SMG1: variants seen among roughly 807,000 people sequenced by gnomAD.
The protein encoded by SMG1 is SMG1 nonsense mediated mRNA decay associated PI3K related kinase.
In SMG1, 22 loss-of-function variants were observed where a neutral mutation model predicts 419.9. That is an observed-to-expected ratio of 0.05 (90% confidence interval 0.04 to 0.07). The LOEUF is 0.07. Ranked by LOEUF, SMG1 falls within the 10% of genes least tolerant of loss-of-function variation. The pLI, the probability that SMG1 is intolerant of heterozygous loss-of-function variation, is 1.00. For synonymous variants in SMG1, 1,538 were observed against 1,553.5 expected (o/e 0.99, Z 0.23); for missense variants, 3,185 against 4,342.0 (o/e 0.73, Z 7.49).
chr16:18,837,969 A>G (rs1204844828), intron 45 of SMG1, 45 bp downstream of exon 45: 3 of 1,581,518 alleles, frequency 1.9e-6, no homozygotes, highest in East Asian at 2.3e-5. Context: ...TGTTTACTCT[A>G]TTAATAAAAA....
At chr16:18,809,979 TAAAAA>T (rs951552701) in intron 62 of SMG1, among the ~76,000 whole-genome samples, 1 of 143,416 alleles carries the variant, frequency 7.0e-6, no homozygotes, top group African/African-American at 2.6e-5. Context: ...AACGGTTTCT[TAAAAA>T]AAAAAAAATT....
chr16:18,863,923 C>T, intron 24 of SMG1, 72 bp from the exon 25 acceptor site: 1 of 1,575,018 alleles, frequency 6.3e-7, no homozygotes, highest in Non-Finnish European at 8.6e-7. Flanking sequence ...GCACAGAAAC[C>T]TAAAAACATA....
rs1408674523 is a variant in SMG1 at position 18,853,728 on chromosome 16, T to A, written c.4623A>T (p.Gly1541=). The part of the protein sequence containing the change: ...WIQAEWKEIS[G]QLKQVYRAQH... ...GAGCTCTGTAAACCTGTTTCAGCTG[T>A]CCTGAAATCTCTTTCCATTCTGCCT... Residue 1541 remains glycine (G), a synonymous_variant, in exon 31 of 63, where the codon GGA becomes GGT. Coordinates refer to ENST00000446231, the MANE Select transcript of SMG1 (RefSeq NM_015092.5). 3.1e-6 allele frequency: 5 copies of A among 1,613,980 alleles called. No homozygotes were observed. The highest frequency in any genetic ancestry group is 1.7e-5 in the Admixed American group (1 of 60,024).
intron 1 of SMG1, among the ~76,000 whole-genome samples, chr16:18,907,845 CAAAAAAAA>C (rs71141092): frequency 8.4e-4 from 46 of 54,972 alleles, no homozygotes; most frequent in South Asian, 1.1e-3. Context: ...GAACGAGACT[CAAAAAAAA>C]AAAAAAAAAA....
rs778243495 is a variant in SMG1, at chr16:18,838,167, G to A, written c.7260C>T (p.Asp2420=). ...CTCCTGCTGTCCAGTCCACCAGAGG[G>A]TCGTACACAAAGGCCTCCAGCAGCG... ...LLTLLEAFVY[D]PLVDWTAGGE... The change falls in exon 45 of 63, where the codon GAC becomes GAT. Residue 2420 remains aspartate (D), a synonymous_variant. Coordinates refer to ENST00000446231, the MANE Select transcript of SMG1 (RefSeq NM_015092.5). 3 of 1,613,442 alleles carry A rather than the reference G, an allele frequency of 1.9e-6. No homozygotes were observed. Among genetic ancestry groups the A allele is most frequent in the Admixed American group, 3.3e-5 (2 of 59,930 alleles).
At chr16:18,866,264 G>A (rs2035498393) in intron 23 of SMG1, 1 of 300,852 alleles carries the variant, frequency 3.3e-6, no homozygotes, top group African/African-American at 2.2e-5. Context: ...CAATGAGTCT[G>A]AATGTAGAGT....
intron 23 of SMG1, among the ~76,000 whole-genome samples, chr16:18,865,184 G>T (rs2141530169): frequency 6.6e-6 from 1 of 152,206 alleles, no homozygotes; most frequent in East Asian, 1.9e-4. Flanking sequence ...AAAATTGAGA[G>T]GCCACGAAGA....
At chr16:18,837,158 T>C (rs2033629426) in intron 46 of SMG1, 95 bp downstream of exon 46, 3 of 1,158,676 alleles carry the variant, frequency 2.6e-6, no homozygotes, top group Non-Finnish European at 3.6e-6. Context: ...TTTATGTGAT[T>C]TGTTACAATA....
rs866999344 is a variant in SMG1, at chr16:18,851,727, G to A, written c.5052+340C>T. ...CCTGCTAATTTTTGTATTTTTAGTA[G>A]AGATGGGGTTTTGCCATGTTGGCCA... On this transcript the variant is annotated intron_variant, in intron 33 of 62. Transcript: ENST00000446231. 4.3e-4 allele frequency among the ~76,000 whole-genome samples: 66 copies of A among 152,164 alleles called. 1 individual carries two copies. Among genetic ancestry groups the A allele is most frequent in the Admixed American group, 7.2e-4 (11 of 15,280 alleles).
chr16:18,872,570 C>T lies in SMG1; in HGVS notation c.1945G>A (p.Val649Met), dbSNP rs1304398347. ...AAGTGAACAGCCAGGTCACTGTGCA[C>T]AATCATCAGATTCTTACTCAGAAGT... is the stretch of plus-strand genomic sequence containing the variant. ...FALLSKNLMI[V>M]HSDLAVHFPA... Residue 649 changes from valine (V) to methionine (M), a missense_variant, in exon 14 of 63, where the codon GTG becomes ATG. By Grantham distance (21) the Val-to-Met change is conservative. Coordinates refer to ENST00000446231, the MANE Select transcript of SMG1 (RefSeq NM_015092.5). The T allele has an allele frequency of 7.4e-6, 11 of 1,490,172 alleles. No homozygotes were observed. The highest frequency in any genetic ancestry group is 9.9e-6 in the Non-Finnish European group (11 of 1,106,836). 92.3% of individuals were successfully genotyped at this position (1,490,172 alleles called of 1,614,324 possible).
chr16:18,833,482 A>T (rs2033348265), intron 50 of SMG1, among the ~76,000 whole-genome samples: 1 of 152,168 alleles, frequency 6.6e-6, no homozygotes, highest in Non-Finnish European at 1.5e-5. Flanking sequence ...TAATGTTATT[A>T]ATTTTTAGGA....
At chr16:18,850,604 AAGTC>A in intron 33 of SMG1, 137 bp from the exon 34 acceptor site, 1 of 619,930 alleles carries the variant, frequency 1.6e-6, no homozygotes, top group South Asian at 2.0e-5. Flanking sequence ...TATACACAGT[AAGTC>A]AATGTCAGTA....
rs1480286152 is a variant in SMG1 at position 18,858,935 on chromosome 16, ATTT to A, written c.4113+84_4113+86del. 3.3e-6 allele frequency: 3 copies of A among 917,698 alleles called. No homozygotes were observed. The African/African-American group carries it at 5.1e-5, about 16-fold the overall frequency. 56.8% of individuals were successfully genotyped at this position (917,698 alleles called of 1,614,324 possible). On this transcript the variant is annotated intron_variant, in intron 28 of 62. Transcript: ENST00000446231. Reference sequence around the variant, plus strand: ...ACTAGCTTGCCCAGCTACAAATCCTATTTCAAAAAACTAAAAAAATAAGGTCTT... The same window carrying A: ...ACTAGCTTGCCCAGCTACAAATCCTACAAAAAACTAAAAAAATAAGGTCTT...
At chr16:18,889,800 C>G (rs2036798069) in intron 5 of SMG1, among the ~76,000 whole-genome samples, 1 of 152,156 alleles carries the variant, frequency 6.6e-6, no homozygotes, top group African/African-American at 2.4e-5. Context: ...TTTCTTTTTA[C>G]AAAATCAATT....
chr16:18,862,490 C>A (rs962353842), intron 25 of SMG1, among the ~76,000 whole-genome samples: 1 of 152,164 alleles, frequency 6.6e-6, no homozygotes, highest in Non-Finnish European at 1.5e-5. Flanking sequence ...GTTCCAAATC[C>A]AATTCTTAAC....
At chr16:18,863,462 TC>T in intron 25 of SMG1, among the ~76,000 whole-genome samples, 187 bp downstream of exon 25, 1 of 152,258 alleles carries the variant, frequency 6.6e-6, no homozygotes. Flanking sequence ...AGCAGTGTTT[TC>T]CCATTACACA....
At chr16:18,857,636 G>C (rs941256778) in intron 29 of SMG1, 1 of 152,152 alleles carries the variant, frequency 6.6e-6, no homozygotes, top group Non-Finnish European at 1.5e-5. Flanking sequence ...ATTCACTCGA[G>C]AGAAACACAA....
intron 44 of SMG1, 27 bp downstream of exon 44, chr16:18,838,330 T>C (rs746049842): frequency 2.6e-5 from 42 of 1,604,726 alleles, no homozygotes; most frequent in Non-Finnish European, 3.0e-5. Flanking sequence ...ACAAATACAC[T>C]AAAAGGGAGA....
chr16:18,873,743 G>A (rs1230050130), intron 13 of SMG1, among the ~76,000 whole-genome samples: 1 of 151,958 alleles, frequency 6.6e-6, no homozygotes, highest in Non-Finnish European at 1.5e-5. Context: ...TCCATATACT[G>A]CAAATGGCAA....
Sources: gnomAD v4.1 joint callset for allele counts (sites outside exome capture counted in the v4.1 genomes callset) on GRCh38, gnomAD v4.1.1 for gene constraint, MANE v1.5 for transcripts, NCBI Gene and HGNC (gene_info 2026-07-23, HGNC 2026-07-21) for gene names.